LRP2: variants seen among roughly 807,000 people sequenced by gnomAD.
LRP2 encodes the protein LDL receptor related protein 2.
Under a neutral mutation model 531.0 loss-of-function variants are expected in LRP2, and 172 were observed. The observed-to-expected ratio is 0.32, with a 90% confidence interval of 0.29 to 0.37. LRP2 has a LOEUF of 0.37. LRP2 is among the 10% of genes least tolerant of loss of function. LRP2 has a pLI of 1.00. For missense variants in LRP2, 5,167 were observed against 5,868.3 expected (o/e 0.88, Z 3.90); for synonymous variants, 1,992 against 2,027.6 (o/e 0.98, Z 0.47).
chr2:169,181,510 G>A lies in LRP2; in HGVS notation c.10107C>T (p.Gly3369=), dbSNP rs201594097. 9 of 1,614,054 alleles carry A rather than the reference G, an allele frequency of 5.6e-6. No individual in the cohort carries two copies. In the East Asian group the frequency reaches 1.8e-4, roughly 32 times the overall value. ...IISTKLEWPN[G]ITIDYTNDLL... ...GATCATTGGTGTAATCAATGGTGATGCCATTAGGCCACTCTAACTTGGTGG... is the reference window on the plus strand; with the variant it reads ...GATCATTGGTGTAATCAATGGTGATACCATTAGGCCACTCTAACTTGGTGG... The change falls in exon 52 of 79, where the codon GGC becomes GGT. Residue 3369 remains glycine (G), a synonymous_variant. Transcript: ENST00000649046.
At chr2:169,159,093 A>G (rs557371336) in intron 63 of LRP2, among the ~76,000 whole-genome samples, 1 of 152,244 alleles carries the variant, frequency 6.6e-6, no homozygotes, top group East Asian at 1.9e-4. Context: ...TAGGTCTTAC[A>G]GAAAAACTGG....
At chr2:169,225,261 C>T (rs369636751) in intron 33 of LRP2, 49 bp downstream of exon 33, 270 of 1,585,998 alleles carry the variant, frequency 1.7e-4, no homozygotes, top group Non-Finnish European at 2.3e-4. Context: ...CTAGAGTTTA[C>T]ATCAATCTAA....
rs11900233 is a variant in LRP2, at chr2:169,182,109, G to T, written c.9998+58C>A. The T allele has an allele frequency of 2.2e-3, 3,459 of 1,603,616 alleles. 69 individuals carry two copies. The African/African-American group carries it at 0.039, about 18-fold the overall frequency. On this transcript the variant is annotated intron_variant, in intron 51 of 78. Transcript: ENST00000649046. ...GATAGTTACATGAACAGCCTTCTCG[G>T]TAACAGAGGCAGAAGAAGGAGGTGA...
intron 33 of LRP2, 104 bp from the exon 34 acceptor site, chr2:169,220,667 A>AG (rs757044349): frequency 3.1e-5 from 23 of 738,422 alleles, no homozygotes; most frequent in Non-Finnish European, 5.6e-5. Context: ...AAGCACGATT[A>AG]GGGATGGATG....
chr2:169,223,122 T>A (rs1163550293), intron 33 of LRP2, among the ~76,000 whole-genome samples: 1 of 152,318 alleles, frequency 6.6e-6, no homozygotes, highest in African/African-American at 2.4e-5. Context: ...GCTCATTAAA[T>A]GAATGAATAA....
At chr2:169,296,390 A>G (rs1006918711) in intron 4 of LRP2, among the ~76,000 whole-genome samples, 2 of 152,076 alleles carry the variant, frequency 1.3e-5, no homozygotes, top group African/African-American at 2.4e-5. Flanking sequence ...CCTCGCTGAG[A>G]TGATATGCCT....
At chr2:169,292,618 G>C (rs988154396) in intron 6 of LRP2, among the ~76,000 whole-genome samples, 1 of 152,014 alleles carries the variant, frequency 6.6e-6, no homozygotes, top group Non-Finnish European at 1.5e-5. Context: ...TTAAAAATTA[G>C]ATCAGCCTGG....
At position 169,128,035 on chromosome 2, in the gene LRP2, T is replaced by C. The variant is rs1347555219; in HGVS notation, c.*628A>G. 6.5e-6 allele frequency: 1 copy of C among 153,052 alleles called. No homozygotes were observed. The highest frequency in any genetic ancestry group is 1.5e-5 in the Non-Finnish European group (1 of 68,416). 9.5% of individuals were successfully genotyped at this position (153,052 alleles called of 1,614,324 possible). A position where few individuals can be genotyped will look rare whatever the true frequency, so the allele number is the denominator to read the frequency against. ...GAAACAGAGAGTTCTGGTTAGACAA[T>C]GCCAACACACAGAAGGGCCAAACTG... On this transcript the variant is annotated 3_prime_UTR_variant, in exon 79 of 79. Coordinates refer to ENST00000649046, the MANE Select transcript of LRP2 (RefSeq NM_004525.3).
chr2:169,201,527 G>A, intron 44 of LRP2, 101 bp downstream of exon 44: 1 of 1,519,840 alleles, frequency 6.6e-7, no homozygotes, highest in East Asian at 2.3e-5. Context: ...AATACTTAGG[G>A]TTTTTATTTT....
In LRP2 at chr2:169,145,874, T is replaced by A; in HGVS notation, c.12861A>T (p.Ile4287=). 1 of 1,614,164 alleles carries A rather than the reference T, an allele frequency of 6.2e-7. No homozygotes were observed. Residue 4287 remains isoleucine, a synonymous_variant, in exon 70 of 79, where the codon ATA becomes ATT. Transcript: ENST00000649046. ...TCCATACTTCTCCCTTTTCCTTAGATATCCAGTATAACTGGTCTTCAAAGA... is the reference window on the plus strand; with the variant it reads ...TCCATACTTCTCCCTTTTCCTTAGAAATCCAGTATAACTGGTCTTCAAAGA... ...LDIFEDQLYW[I]SKEKGEVWKQ... is the part of the protein sequence containing the mutation.
intron 1 of LRP2, among the ~76,000 whole-genome samples, chr2:169,360,143 AAAAAAG>A (rs754839305): frequency 0.012 from 617 of 49,482 alleles, 2 homozygotes; most frequent in South Asian, 0.1. Context: ...AAAAAAAAAA[AAAAAAG>A]AGAGAGAGAG....
chr2:169,254,954 A>G lies in LRP2; in HGVS notation c.2770+1152T>C, dbSNP rs563292172. 7.9e-5 allele frequency among the ~76,000 whole-genome samples: 12 copies of G among 152,224 alleles called. No individual in the cohort carries two copies. In the East Asian group the frequency reaches 1.4e-3, roughly 17 times the overall value. On this transcript the variant is annotated intron_variant, in intron 19 of 78. Transcript: ENST00000649046. The stretch of plus-strand genomic sequence containing the variant: ...TAATTAACTCATCAAAAATCTCATG[A>G]GCATTTTTTAAATACCACACACTCC...
At chr2:169,330,269 A>C (rs1685230274) in intron 1 of LRP2, among the ~76,000 whole-genome samples, 1 of 152,228 alleles carries the variant, frequency 6.6e-6, no homozygotes, top group South Asian at 2.1e-4. Context: ...TCAGCTCTCA[A>C]GATAGTTGAT....
At chr2:169,220,416 T>C in intron 34 of LRP2, 38 bp downstream of exon 34, 1 of 1,420,960 alleles carries the variant, frequency 7.0e-7, no homozygotes, top group South Asian at 1.1e-5. Context: ...ACAAGAACAA[T>C]GCTGCATGGA....
chr2:169,179,381 T>C (rs549350234), intron 52 of LRP2, among the ~76,000 whole-genome samples: 2 of 152,220 alleles, frequency 1.3e-5, no homozygotes, highest in African/African-American at 4.8e-5. Context: ...ATCTGTAATC[T>C]CTGTAGAGAG....
At chr2:169,310,050 T>C (rs1260122563) in intron 3 of LRP2, among the ~76,000 whole-genome samples, 1 of 152,150 alleles carries the variant, frequency 6.6e-6, no homozygotes, top group Non-Finnish European at 1.5e-5. Context: ...ATAGGAATGC[T>C]TGTGATTTTT....
chr2:169,262,982 A>C (rs1296404724), intron 16 of LRP2, among the ~76,000 whole-genome samples: 3 of 152,016 alleles, frequency 2.0e-5, no homozygotes, highest in African/African-American at 4.8e-5. Flanking sequence ...CCTGAGAAAA[A>C]AAGCAATGGG....
intron 1 of LRP2, among the ~76,000 whole-genome samples, chr2:169,330,711 A>G (rs951212266): frequency 5.3e-5 from 8 of 152,110 alleles, no homozygotes; most frequent in African/African-American, 1.9e-4. Flanking sequence ...CCCCCACATC[A>G]CGGTGACAAA....
At chr2:169,188,286 C>T (rs1276515027) in intron 48 of LRP2, 21 bp from the exon 49 acceptor site, 1 of 1,613,182 alleles carries the variant, frequency 6.2e-7, no homozygotes, top group South Asian at 1.1e-5. Context: ...AGATCCAGTA[C>T]CACTTTCAGA....
Sources: gnomAD v4.1 joint callset for allele counts (sites outside exome capture counted in the v4.1 genomes callset) on GRCh38, gnomAD v4.1.1 for gene constraint, MANE v1.5 for transcripts, NCBI Gene and HGNC (gene_info 2026-07-23, HGNC 2026-07-21) for gene names.